The following PIK3CB variants were observed in gnomAD, a reference collection of about 807,000 sequenced individuals.
The protein encoded by PIK3CB is phosphatidylinositol-4,5-bisphosphate 3-kinase catalytic subunit beta, also known as phosphatidylinositol 4,5-bisphosphate 3-kinase catalytic subunit beta isoform.
PIK3CB carries 39 observed loss-of-function variants against 136.8 expected under a neutral mutation model. The ratio of observed to expected loss-of-function variants is 0.29; its 90% CI spans 0.22 to 0.37. The LOEUF (loss-of-function observed/expected upper bound fraction) is 0.37. Among genes scored for constraint, PIK3CB ranks in the 10% least tolerant of loss-of-function variants. The pLI, the probability that PIK3CB is intolerant of heterozygous loss-of-function variation, is 1.00. For synonymous variants in PIK3CB, 428 were observed against 436.6 expected (o/e 0.98, Z 0.25); for missense variants, 868 against 1,275.4 (o/e 0.68, Z 4.87).
intron 7 of PIK3CB, among the ~76,000 whole-genome samples, chr3:138,734,398 T>A (rs1465553795): frequency 6.6e-6 from 1 of 152,236 alleles, no homozygotes; most frequent in Non-Finnish European, 1.5e-5. Context: ...GGCATTTTTC[T>A]TCGGCAGAAA....
chr3:138,818,079 CCTAGGAGT>C (rs1289819872), intron 1 of PIK3CB, among the ~76,000 whole-genome samples: 3 of 152,104 alleles, frequency 2.0e-5, no homozygotes, highest in Non-Finnish European at 4.4e-5. Context: ...ATAGCTTGAG[CCTAGGAGT>C]TCAAGTCCAG....
chr3:138,689,039 C>T, intron 15 of PIK3CB, 65 bp from the exon 16 acceptor site: 1 of 918,536 alleles, frequency 1.1e-6, no homozygotes, highest in Non-Finnish European at 1.8e-6. Flanking sequence ...CGAATAAATA[C>T]TGACTTCTTT....
chr3:138,722,562 C>G (rs1162498976), intron 8 of PIK3CB, among the ~76,000 whole-genome samples: 1 of 151,636 alleles, frequency 6.6e-6, no homozygotes, highest in Non-Finnish European at 1.5e-5. Flanking sequence ...ATAATAAAGG[C>G]TCAATAAATG....
At position 138,678,435 on chromosome 3, in the gene PIK3CB, C is replaced by G. The variant is rs147739101; in HGVS notation, c.2504+3532G>C. On this transcript the variant is annotated intron_variant, in intron 19 of 23. Coordinates refer to ENST00000674063, the MANE Select transcript of PIK3CB (RefSeq NM_006219.3). ...GAAAGGGAAAATGAAAATTTAAAAC[C>G]CCTATCAATCCAATAAAAGGAAATA... Among the ~76,000 whole-genome samples, 1,352 of 151,254 alleles carry G rather than the reference C, an allele frequency of 8.9e-3. 12 individuals are homozygous for G. Among genetic ancestry groups the G allele is most frequent in the Non-Finnish European group, 0.014 (932 of 67,712 alleles).
In PIK3CB at chr3:138,707,474, G is replaced by A. The variant is rs967071538; in HGVS notation, c.1400-185C>T. ...TGCTTGGAACAAAATTTCAGTGTGA[G>A]TTTGCATACATGTTTTAAAAATGAG... On this transcript the variant is annotated intron_variant, in intron 10 of 23. Transcript: ENST00000674063. 5 of 1,345,078 alleles carry A rather than the reference G, an allele frequency of 3.7e-6. No individual in the cohort carries two copies. The African/African-American group carries it at 7.6e-5, about 21-fold the overall frequency. The allele number at this position is 1,345,078 out of a possible 1,614,324, so 83.3% of individuals were successfully genotyped here. A position where few individuals can be genotyped will look rare whatever the true frequency, so the allele number is the denominator to read the frequency against.
At chr3:138,764,930 G>T (rs2045711681) in intron 2 of PIK3CB, among the ~76,000 whole-genome samples, 1 of 152,144 alleles carries the variant, frequency 6.6e-6, no homozygotes, top group African/African-American at 2.4e-5. Context: ...TCTCTCCCTA[G>T]TCTCATATTA....
chr3:138,752,538 A>T lies in PIK3CB; in HGVS notation c.397+3216T>A, dbSNP rs1439133955. 3.9e-5 allele frequency among the ~76,000 whole-genome samples: 6 copies of T among 152,238 alleles called. No individual in the cohort carries two copies. The East Asian group carries it at 1.2e-3, about 29-fold the overall frequency. ...AACATTTAAATTTGTGTATATAATC[A>T]AAATGCCAAAGAATACAAAAATTAG... On this transcript the variant is annotated intron_variant, in intron 4 of 23. Coordinates refer to ENST00000674063, the MANE Select transcript of PIK3CB (RefSeq NM_006219.3).
intron 19 of PIK3CB, among the ~76,000 whole-genome samples, chr3:138,673,113 G>C (rs2108449900): frequency 6.6e-6 from 1 of 152,094 alleles, no homozygotes; most frequent in East Asian, 1.9e-4. Context: ...AGAGACTTGA[G>C]TAAAACTGTT....
At chr3:138,656,795 G>GA (rs1553717069) in intron 22 of PIK3CB, among the ~76,000 whole-genome samples, 2 of 151,904 alleles carry the variant, frequency 1.3e-5, no homozygotes, top group South Asian at 4.1e-4. Context: ...TTTTGAGATG[G>GA]AACCTTGCTC....
Position 138,779,190 on chromosome 3 carries a change from A to G in PIK3CB, c.-17+17273T>C, listed in dbSNP as rs1259428146. Reference sequence around the variant, plus strand: ...AAGCTCTGCCTCCTGGGTGCACGCCATTCTCCTGCCTCAGCTTCCCGAGTA... The same window carrying G: ...AAGCTCTGCCTCCTGGGTGCACGCCGTTCTCCTGCCTCAGCTTCCCGAGTA... On this transcript the variant is annotated intron_variant, in intron 2 of 23. Coordinates refer to ENST00000674063, the MANE Select transcript of PIK3CB (RefSeq NM_006219.3). Among the ~76,000 whole-genome samples, 6 of 149,054 alleles carry G rather than the reference A, an allele frequency of 4.0e-5. 1 individual carries two copies. The Admixed American group carries it at 4.1e-4, about 10-fold the overall frequency.
intron 4 of PIK3CB, among the ~76,000 whole-genome samples, chr3:138,752,726 A>G (rs1342045666): frequency 6.6e-6 from 1 of 151,502 alleles, no homozygotes; most frequent in Non-Finnish European, 1.5e-5. Flanking sequence ...AAAAAAAAAG[A>G]AAAAATTAAA....
At chr3:138,775,440 C>T (rs1022793122) in intron 2 of PIK3CB, among the ~76,000 whole-genome samples, 2 of 152,104 alleles carry the variant, frequency 1.3e-5, no homozygotes, top group Non-Finnish European at 2.9e-5. Context: ...GAGAGACTAG[C>T]GGAGGCATGT....
intron 3 of PIK3CB, among the ~76,000 whole-genome samples, chr3:138,756,699 G>C (rs2045575235): frequency 2.0e-5 from 3 of 152,178 alleles, no homozygotes; most frequent in African/African-American, 7.2e-5. Context: ...TAAAAATTGT[G>C]GCCAATCCTC....
intron 4 of PIK3CB, among the ~76,000 whole-genome samples, chr3:138,743,185 A>G (rs2045278504): frequency 6.6e-6 from 1 of 152,198 alleles, no homozygotes; most frequent in Non-Finnish European, 1.5e-5. Flanking sequence ...CAGTTTCAAT[A>G]CTATATTAGA....
At chr3:138,655,782 C>T (rs1392255695) in intron 23 of PIK3CB, among the ~76,000 whole-genome samples, 2 of 152,112 alleles carry the variant, frequency 1.3e-5, no homozygotes, top group Non-Finnish European at 2.9e-5. Context: ...CACTACCACC[C>T]AAATCCAGTA....
At chr3:138,671,436 T>C (rs938665627) in intron 19 of PIK3CB, among the ~76,000 whole-genome samples, 1 of 152,166 alleles carries the variant, frequency 6.6e-6, no homozygotes, top group African/African-American at 2.4e-5. Flanking sequence ...ACTAAGGTTG[T>C]TGCAGATACT....
At chr3:138,681,450 C>T (rs775694443) in intron 19 of PIK3CB, among the ~76,000 whole-genome samples, 27 of 152,216 alleles carry the variant, frequency 1.8e-4, no homozygotes, top group African/African-American at 5.8e-4. Flanking sequence ...ATTGTGAATA[C>T]GATTCCCAGT....
At chr3:138,734,482 T>C (rs1325493728) in intron 7 of PIK3CB, 152 bp downstream of exon 7, 2 of 472,038 alleles carry the variant, frequency 4.2e-6, no homozygotes, top group African/African-American at 4.0e-5. Context: ...TCTAGAAAGA[T>C]AATTTTTAAA....
chr3:138,817,932 G>A (rs1933405116), intron 1 of PIK3CB, among the ~76,000 whole-genome samples: 1 of 152,062 alleles, frequency 6.6e-6, no homozygotes, highest in South Asian at 2.1e-4. Context: ...CTCCAGCCTT[G>A]GCAACAGAAT....
Sources: gnomAD v4.1 joint callset for allele counts (sites outside exome capture counted in the v4.1 genomes callset) on GRCh38, gnomAD v4.1.1 for gene constraint, MANE v1.5 for transcripts, NCBI Gene and HGNC (gene_info 2026-07-23, HGNC 2026-07-21) for gene names.